SCRN3: variants seen among roughly 807,000 people sequenced by gnomAD.
SCRN3 encodes secernin 3.
Under a neutral mutation model 43.1 loss-of-function variants are expected in SCRN3, and 39 were observed. The ratio of observed to expected loss-of-function variants is 0.91; its 90% CI spans 0.70 to 1.18. The LOEUF is 1.18. SCRN3 is among the 50% of genes most tolerant of loss of function. The pLI is 0.00. For missense variants in SCRN3, 484 were observed against 498.0 expected, an observed-to-expected ratio of 0.97 and a Z score of 0.27; for synonymous variants, 147 against 163.1, an observed-to-expected ratio of 0.90 and a Z score of 0.75.
chr2:174,426,507 C>T (rs966017743), intron 7 of SCRN3, among the ~76,000 whole-genome samples: 1 of 152,132 alleles, frequency 6.6e-6, no homozygotes, highest in Non-Finnish European at 1.5e-5. Flanking sequence ...CGCGGTGGCT[C>T]ACGCCTATAA....
chr2:174,398,590 C>T, intron 2 of SCRN3, 148 bp downstream of exon 2: 1 of 600,880 alleles, frequency 1.7e-6, no homozygotes, highest in Middle Eastern at 4.6e-4. Flanking sequence ...AAACTGTGAT[C>T]TTTTATTTCA....
intron 7 of SCRN3, among the ~76,000 whole-genome samples, chr2:174,425,362 C>T (rs1290429415): frequency 1.3e-5 from 2 of 152,130 alleles, no homozygotes; most frequent in Non-Finnish European, 2.9e-5. Flanking sequence ...GAAAGGCTGC[C>T]TAAAGCCATC....
chr2:174,426,494 G>A (rs1574676354), intron 7 of SCRN3, among the ~76,000 whole-genome samples: 2 of 152,096 alleles, frequency 1.3e-5, no homozygotes, highest in Admixed American at 6.6e-5. Flanking sequence ...CTCACAGGCC[G>A]GGCGCGGTGG....
Position 174,417,486 on chromosome 2 carries a change from C to T in SCRN3, c.755-5399C>T, listed in dbSNP as rs527825509. ...TCAGCTCACTGCAACCTCTGCCTCCCGGGTTTAAGCGATTCTCCTGCCTCA... is the reference window on the plus strand; with the variant it reads ...TCAGCTCACTGCAACCTCTGCCTCCTGGGTTTAAGCGATTCTCCTGCCTCA... On this transcript the variant is annotated intron_variant, in intron 5 of 7. Coordinates refer to ENST00000272732, the MANE Select transcript of SCRN3 (RefSeq NM_024583.5). Among the ~76,000 whole-genome samples, 6 of 152,118 alleles carry T rather than the reference C, an allele frequency of 3.9e-5. No individual in the cohort carries two copies. The South Asian group carries it at 1.0e-3, about 26-fold the overall frequency.
intron 2 of SCRN3, among the ~76,000 whole-genome samples, chr2:174,399,297 T>G (rs1685425978): frequency 6.6e-6 from 1 of 152,222 alleles, no homozygotes; most frequent in East Asian, 1.9e-4. Flanking sequence ...TTCTTCATAT[T>G]TAAATATAGC....
At chr2:174,416,915 A>G (rs1686130968) in intron 5 of SCRN3, among the ~76,000 whole-genome samples, 1 of 152,238 alleles carries the variant, frequency 6.6e-6, no homozygotes, top group Admixed American at 6.5e-5. Flanking sequence ...TTGACAGAAT[A>G]TTTATAGAAT....
intron 7 of SCRN3, 42 bp from the exon 8 acceptor site, chr2:174,427,671 G>A (rs1377889271): frequency 1.6e-6 from 2 of 1,272,364 alleles, no homozygotes; most frequent in South Asian, 1.5e-5. Flanking sequence ...AGATTTATGT[G>A]TATATGTATA....
At chr2:174,396,089 T>A in intron 1 of SCRN3, 16 of 1,139,710 alleles carry the variant, frequency 1.4e-5, no homozygotes, top group Non-Finnish European at 1.8e-5. Context: ...AGATAATAAT[T>A]CCGGCCCTAA....
In SCRN3 at chr2:174,400,051, G is replaced by C. The variant is rs897657533; in HGVS notation, c.289G>C (p.Gly97Arg). Residue 97 changes from glycine to arginine, a missense_variant, in exon 3 of 8, where the codon GGA becomes CGA. Coordinates refer to ENST00000272732, the MANE Select transcript of SCRN3 (RefSeq NM_024583.5). ...TTGCATTGGGAATGAAGCTGTATGG[G>C]GAAGAGAAGAAGTTTGTGATGAAGA... ...GVCIGNEAVW[G>R]REEVCDEEAL... 12 of 1,597,214 alleles carry C rather than the reference G, an allele frequency of 7.5e-6. No individual in the cohort carries two copies. The highest frequency in any genetic ancestry group is 1.8e-5 in the Admixed American group (1 of 56,176).
chr2:174,415,706 G>A (rs910150535), intron 5 of SCRN3, among the ~76,000 whole-genome samples: 30 of 152,060 alleles, frequency 2.0e-4, no homozygotes, highest in African/African-American at 5.8e-4. Flanking sequence ...GTGCAGTGGC[G>A]TAATCTCAGC....
At position 174,428,753 on chromosome 2, in the gene SCRN3, T is replaced by C. The variant is rs541259090; in HGVS notation, c.*858T>C. 6 of 152,332 alleles carry C rather than the reference T, an allele frequency of 3.9e-5. No homozygotes were observed. Among genetic ancestry groups the C allele is most frequent in the South Asian group, 4.1e-4 (2 of 4,822 alleles). The allele number at this position is 152,332 out of a possible 1,614,324, so 9.4% of individuals were successfully genotyped here. On this transcript the variant is annotated 3_prime_UTR_variant, in exon 8 of 8. Transcript: ENST00000272732. ...ATTTTGAACACTATAATGCATTATA[T>C]ATTATGAACTTTTATGAACTTTATA...
At chr2:174,401,972 C>G (rs977991880) in intron 4 of SCRN3, among the ~76,000 whole-genome samples, 3 of 152,086 alleles carry the variant, frequency 2.0e-5, no homozygotes, top group Non-Finnish European at 4.4e-5. Context: ...ATTTAGAGAA[C>G]AGAAAGGTTA....
intron 1 of SCRN3, 47 bp from the exon 2 acceptor site, chr2:174,398,228 T>TTTTAAAAAATATTTTAA: frequency 8.6e-7 from 1 of 1,161,686 alleles, no homozygotes; most frequent in Non-Finnish European, 1.2e-6. Context: ...TATTTTTATA[T>TTTTAAAAAATATTTTAA]ACTTAAAAGT....
At chr2:174,402,910 AAGAC>A (rs1419677892) in intron 4 of SCRN3, among the ~76,000 whole-genome samples, 58 of 152,260 alleles carry the variant, frequency 3.8e-4, no homozygotes, top group Admixed American at 1.8e-3. Flanking sequence ...TATAATCTCT[AAGAC>A]AGGCTTTTAT....
chr2:174,405,242 G>A (rs1685652976), intron 5 of SCRN3, among the ~76,000 whole-genome samples: 5 of 70,686 alleles, frequency 7.1e-5, no homozygotes, highest in Admixed American at 1.6e-4. Flanking sequence ...TTTTTTGGCT[G>A]CATAAATGTC....
At chr2:174,398,682 A>G (rs1685407509) in intron 2 of SCRN3, among the ~76,000 whole-genome samples, 1 of 152,212 alleles carries the variant, frequency 6.6e-6, no homozygotes, top group South Asian at 2.1e-4. Flanking sequence ...ATATGCAAGC[A>G]TGTTAGATAG....
intron 5 of SCRN3, among the ~76,000 whole-genome samples, chr2:174,417,568 T>C (rs982587396): frequency 5.3e-5 from 8 of 152,138 alleles, no homozygotes; most frequent in Non-Finnish European, 1.2e-4. Context: ...TAATTTTTTG[T>C]ATTTTTAGTA....
At chr2:174,400,886 G>C in intron 3 of SCRN3, 104 bp from the exon 4 acceptor site, 1 of 987,650 alleles carries the variant, frequency 1.0e-6, no homozygotes, top group Non-Finnish European at 1.5e-6. Flanking sequence ...TGTTAACTTG[G>C]AAGAAATTTT....
At chr2:174,410,332 G>C (rs1466215889) in intron 5 of SCRN3, 1 of 150,962 alleles carries the variant, frequency 6.6e-6, no homozygotes, top group African/African-American at 2.4e-5. Flanking sequence ...CACGGTGCGC[G>C]CTCCCACTGG....
Sources: gnomAD v4.1 joint callset for allele counts (sites outside exome capture counted in the v4.1 genomes callset) on GRCh38, gnomAD v4.1.1 for gene constraint, MANE v1.5 for transcripts, NCBI Gene and HGNC (gene_info 2026-07-23, HGNC 2026-07-21) for gene names.